The following MTA3 variants were observed in gnomAD, a reference collection of about 807,000 sequenced individuals.
MTA3 encodes the protein metastasis associated 1 family member 3.
Under a neutral mutation model 83.5 loss-of-function variants are expected in MTA3, and 34 were observed. The observed-to-expected ratio is 0.41, with a 90% CI of 0.31 to 0.54. The LOEUF (loss-of-function observed/expected upper bound fraction) is 0.54. Ranked by LOEUF, MTA3 falls within the 20% of genes least tolerant of loss-of-function variation. The pLI is 0.33. For missense variants in MTA3, 761 were observed against 726.4 expected, an observed-to-expected ratio of 1.05 and a Z score of -0.55; for synonymous variants, 303 against 252.7, an observed-to-expected ratio of 1.20 and a Z score of -1.89.
At chr2:42,515,794 C>G (rs1367386885) in intron 2 of MTA3, among the ~76,000 whole-genome samples, 1 of 151,466 alleles carries the variant, frequency 6.6e-6, no homozygotes, top group African/African-American at 2.4e-5. Context: ...ACCACCGTGC[C>G]CAGTCGTTTC....
intron 2 of MTA3, among the ~76,000 whole-genome samples, chr2:42,538,020 C>T (rs1243798771): frequency 6.6e-6 from 1 of 151,268 alleles, no homozygotes; most frequent in Admixed American, 6.6e-5. Flanking sequence ...ATCACGAGGT[C>T]AGGAGATTGA....
At chr2:42,600,048 A>G (rs966435239) in intron 3 of MTA3, among the ~76,000 whole-genome samples, 12 of 151,334 alleles carry the variant, frequency 7.9e-5, no homozygotes, top group African/African-American at 2.4e-4. Flanking sequence ...TACAAAAAAA[A>G]TTAGCTGGGT....
intron 4 of MTA3, among the ~76,000 whole-genome samples, chr2:42,633,604 A>G (rs990241512): frequency 6.6e-6 from 1 of 150,548 alleles, no homozygotes; most frequent in African/African-American, 2.4e-5. Flanking sequence ...TAAAAATCAT[A>G]TTCTTGGCTG....
chr2:42,529,194 T>TA (rs1675850232), intron 2 of MTA3, among the ~76,000 whole-genome samples: 1 of 152,102 alleles, frequency 6.6e-6, no homozygotes, highest in Non-Finnish European at 1.5e-5. Context: ...TATAAATAGA[T>TA]AAAAAGGAAC....
At position 42,635,911 on chromosome 2, in the gene MTA3, G is replaced by A. The variant is rs551618055; in HGVS notation, c.318-4262G>A. Among the ~76,000 whole-genome samples, 82 of 152,002 alleles carry A rather than the reference G, an allele frequency of 5.4e-4. No homozygotes were observed. In the Middle Eastern group the frequency reaches 0.024, roughly 44 times the overall value. ...CTCCGCAGTAGCTGGGATTACAGGC[G>A]TGCACCACCACACCCAGCTAATTTT... On this transcript the variant is annotated intron_variant, in intron 4 of 16. Transcript: ENST00000405094.
intron 7 of MTA3, among the ~76,000 whole-genome samples, chr2:42,659,044 G>A (rs535704574): frequency 4.6e-5 from 7 of 152,112 alleles, no homozygotes; most frequent in Non-Finnish European, 8.8e-5. Flanking sequence ...GCTGCAGTGA[G>A]CTATGATCAT....
chr2:42,729,094 T>G (rs953433309), intron 16 of MTA3, among the ~76,000 whole-genome samples: 1 of 118,834 alleles, frequency 8.4e-6, no homozygotes, highest in African/African-American at 3.4e-5. Flanking sequence ...GAGTTTTTTT[T>G]TTTTTTTTTT....
intron 8 of MTA3, among the ~76,000 whole-genome samples, chr2:42,674,434 A>G (rs1300276234): frequency 6.6e-6 from 1 of 152,162 alleles, no homozygotes; most frequent in Non-Finnish European, 1.5e-5. Context: ...CAACACCTTC[A>G]CTGCTTTTTG....
chr2:42,644,265 G>A (rs1230472370), intron 6 of MTA3, 21 bp downstream of exon 6: 1 of 1,527,642 alleles, frequency 6.5e-7, no homozygotes. Context: ...CTGCGTGTTT[G>A]CAGTTTTGTG....
At chr2:42,539,980 C>T (rs1194425496) in intron 2 of MTA3, among the ~76,000 whole-genome samples, 1 of 152,032 alleles carries the variant, frequency 6.6e-6, no homozygotes, top group Non-Finnish European at 1.5e-5. Flanking sequence ...TTCTTCTGCT[C>T]AGCTAGAAAC....
At chr2:42,661,446 G>C (rs1392706686) in intron 8 of MTA3, among the ~76,000 whole-genome samples, 1 of 144,142 alleles carries the variant, frequency 6.9e-6, no homozygotes, top group African/African-American at 2.6e-5. Context: ...GTTGCAGTGA[G>C]CTGAGATCAT....
intron 3 of MTA3, among the ~76,000 whole-genome samples, chr2:42,591,760 C>T (rs1368716009): frequency 6.6e-6 from 1 of 152,092 alleles, no homozygotes; most frequent in Non-Finnish European, 1.5e-5. Context: ...AAGCAATTCT[C>T]CTGCCTCAGC....
chr2:42,560,563 C>A (rs569973054), intron 2 of MTA3, among the ~76,000 whole-genome samples: 477 of 145,498 alleles, frequency 3.3e-3, no homozygotes, highest in Non-Finnish European at 5.7e-3. Flanking sequence ...AAAAAAAAAA[C>A]AAAAAACAAC....
intron 16 of MTA3, among the ~76,000 whole-genome samples, chr2:42,748,091 C>T (rs903301229): frequency 1.8e-4 from 27 of 152,142 alleles, no homozygotes; most frequent in African/African-American, 6.3e-4. Flanking sequence ...TGCAGTGGCG[C>T]GATCTCAGCT....
At chr2:42,654,273 C>T (rs1688963197) in intron 6 of MTA3, among the ~76,000 whole-genome samples, 1 of 152,176 alleles carries the variant, frequency 6.6e-6, no homozygotes, top group African/African-American at 2.4e-5. Context: ...CTGCTTCTGT[C>T]CTCTCCTTTC....
At chr2:42,608,792 A>G (rs6716721) in intron 3 of MTA3, among the ~76,000 whole-genome samples, 118,447 of 152,038 alleles carry the variant, frequency 0.78, 46,912 homozygotes, top group African/African-American at 0.92. Context: ...GCTAAGGCAC[A>G]AGAATTGCTT....
At chr2:42,624,545 C>G (rs1373469063) in intron 4 of MTA3, among the ~76,000 whole-genome samples, 2 of 152,040 alleles carry the variant, frequency 1.3e-5, no homozygotes, top group South Asian at 2.1e-4. Flanking sequence ...CCAGGCTGGT[C>G]TTGAACTGCT....
Position 42,707,951 on chromosome 2 carries a change from G to A in MTA3, c.1199G>A (p.Cys400Tyr). 6.2e-7 allele frequency: 1 copy of A among 1,613,320 alleles called. No homozygotes were observed. The highest frequency in any genetic ancestry group is 1.3e-5 in the African/African-American group (1 of 75,014). Reference protein sequence around the residue: ...WYSWGPPNMQCRLCAICWLYW... With the variant: ...WYSWGPPNMQYRLCAICWLYW... ...TCTTGGGGCCCACCTAATATGCAGTGTAGATTATGTGCAATTTGTTGGCTT... is the reference window on the plus strand; with the variant it reads ...TCTTGGGGCCCACCTAATATGCAGTATAGATTATGTGCAATTTGTTGGCTT... The change falls in exon 13 of 17, where the codon TGT (cysteine) becomes TAT (tyrosine). Residue 400 changes from cysteine (C) to tyrosine (Y), a missense_variant. Cys to Tyr is a radical substitution (Grantham distance 194). Coordinates refer to ENST00000405094, the MANE Select transcript of MTA3 (RefSeq NM_001330442.2).
At chr2:42,728,402 G>A (rs1317208267) in intron 16 of MTA3, among the ~76,000 whole-genome samples, 2 of 152,160 alleles carry the variant, frequency 1.3e-5, no homozygotes, top group African/African-American at 2.4e-5. Context: ...AGTAAACATG[G>A]GAGTGCAGAT....
Sources: gnomAD v4.1 joint callset for allele counts (sites outside exome capture counted in the v4.1 genomes callset) on GRCh38, gnomAD v4.1.1 for gene constraint, MANE v1.5 for transcripts, NCBI Gene and HGNC (gene_info 2026-07-23, HGNC 2026-07-21) for gene names.